Variants in SLC4A10 observed in about 807,000 individuals in gnomAD.
SLC4A10 encodes the protein solute carrier family 4 member 10, also known as sodium-driven chloride bicarbonate exchanger.
In SLC4A10, 42 loss-of-function variants were observed where a neutral mutation model predicts 137.7. That is an observed-to-expected ratio of 0.30 (90% CI 0.24 to 0.39). The LOEUF (loss-of-function observed/expected upper bound fraction) is 0.39, where lower values mean the gene tolerates loss of function less well. Among genes scored for constraint, SLC4A10 ranks in the 10% least tolerant of loss-of-function variants. The pLI, the probability that SLC4A10 is intolerant of heterozygous loss-of-function variation, is 1.00. For synonymous variants in SLC4A10, 474 were observed against 464.1 expected (o/e 1.02, Z -0.27); for missense variants, 925 against 1,355.0 (o/e 0.68, Z 4.98).
At chr2:161,693,516 T>C (rs138349645) in intron 1 of SLC4A10, among the ~76,000 whole-genome samples, 201 of 152,144 alleles carry the variant, frequency 1.3e-3, no homozygotes, top group African/African-American at 4.6e-3. Flanking sequence ...CCTTTTTTGC[T>C]ATATCTGGCT....
intron 1 of SLC4A10, among the ~76,000 whole-genome samples, chr2:161,741,408 C>G (rs1030976748): frequency 6.6e-6 from 1 of 152,006 alleles, no homozygotes; most frequent in Non-Finnish European, 1.5e-5. Context: ...TAGTCATACT[C>G]TACATTAAAT....
intron 1 of SLC4A10, among the ~76,000 whole-genome samples, chr2:161,657,501 T>C (rs2037713242): frequency 6.6e-6 from 1 of 152,036 alleles, no homozygotes; most frequent in Admixed American, 6.6e-5. Flanking sequence ...CTTACCTTTC[T>C]CTAAATACCC....
At chr2:161,738,888 T>C (rs1331711972) in intron 1 of SLC4A10, among the ~76,000 whole-genome samples, 2 of 152,160 alleles carry the variant, frequency 1.3e-5, no homozygotes, top group Admixed American at 6.5e-5. Context: ...GTTATGTAAG[T>C]GCAGAACTAT....
At chr2:161,715,625 G>T (rs754153757) in intron 1 of SLC4A10, among the ~76,000 whole-genome samples, 9 of 152,028 alleles carry the variant, frequency 5.9e-5, no homozygotes, top group Non-Finnish European at 1.3e-4. Context: ...GTTTGCAGAT[G>T]ATAATGGCTT....
At chr2:161,859,111 C>T (rs1407420522) in intron 5 of SLC4A10, among the ~76,000 whole-genome samples, 2 of 152,034 alleles carry the variant, frequency 1.3e-5, no homozygotes, top group Admixed American at 1.3e-4. Context: ...GTTTTCAAAG[C>T]ATTGATATGA....
intron 26 of SLC4A10, among the ~76,000 whole-genome samples, chr2:161,980,340 G>A (rs1275361238): frequency 4.0e-5 from 6 of 151,842 alleles, no homozygotes; most frequent in Non-Finnish European, 7.4e-5. Context: ...TGACTTCTTG[G>A]AAATATTATT....
intron 15 of SLC4A10, among the ~76,000 whole-genome samples, chr2:161,940,801 C>G (rs902101686): frequency 1.3e-5 from 2 of 152,148 alleles, no homozygotes; most frequent in Admixed American, 6.5e-5. Context: ...TCAGAACAAA[C>G]CTCAAGCACT....
chr2:161,820,619 C>A (rs1207769522), intron 3 of SLC4A10, among the ~76,000 whole-genome samples: 2 of 152,196 alleles, frequency 1.3e-5, no homozygotes, highest in African/African-American at 4.8e-5. Flanking sequence ...GATGTAGCTT[C>A]AGCCTATTCA....
intron 1 of SLC4A10, among the ~76,000 whole-genome samples, chr2:161,640,576 A>G (rs2035127321): frequency 6.6e-6 from 1 of 151,936 alleles, no homozygotes; most frequent in African/African-American, 2.4e-5. Context: ...TTCTCTATGA[A>G]GTAAGCTTTC....
At chr2:161,666,695 A>G (rs915311229) in intron 1 of SLC4A10, among the ~76,000 whole-genome samples, 4 of 151,724 alleles carry the variant, frequency 2.6e-5, no homozygotes, top group Non-Finnish European at 4.4e-5. Flanking sequence ...GACATTTAAT[A>G]TGGAAGGAGT....
At chr2:161,640,593 TTTCCTTCCTTCCTTCCTTCCTTCC>T (rs1245696506) in intron 1 of SLC4A10, among the ~76,000 whole-genome samples, 5 of 119,324 alleles carry the variant, frequency 4.2e-5, no homozygotes, top group African/African-American at 1.3e-4. Context: ...TTTCTCTTTC[TTTCCTTCCTTCCTTCCTTCCTTCC>T]TTCCTTCCTT....
At chr2:161,688,135 A>G (rs966055134) in intron 1 of SLC4A10, among the ~76,000 whole-genome samples, 4 of 152,232 alleles carry the variant, frequency 2.6e-5, no homozygotes, top group African/African-American at 4.8e-5. Flanking sequence ...TAAAAGAATT[A>G]CTTAGGAAAT....
intron 3 of SLC4A10, among the ~76,000 whole-genome samples, chr2:161,811,667 G>A (rs1468999585): frequency 6.6e-6 from 1 of 151,866 alleles, no homozygotes; most frequent in East Asian, 1.9e-4. Flanking sequence ...TAGTAATCTT[G>A]CTTTGTACTT....
At chr2:161,865,115 A>G (rs899487488) in intron 6 of SLC4A10, among the ~76,000 whole-genome samples, 1 of 152,144 alleles carries the variant, frequency 6.6e-6, no homozygotes, top group Admixed American at 6.5e-5. Context: ...TAAAATTTAT[A>G]CCTTAAATTT....
At chr2:161,639,618 A>G (rs185863991) in intron 1 of SLC4A10, among the ~76,000 whole-genome samples, 2 of 152,298 alleles carry the variant, frequency 1.3e-5, no homozygotes, top group Admixed American at 1.3e-4. Flanking sequence ...GAAGGAACAT[A>G]CCTTAACACA....
At chr2:161,865,014 A>G (rs1476798206) in intron 6 of SLC4A10, among the ~76,000 whole-genome samples, 1 of 152,148 alleles carries the variant, frequency 6.6e-6, no homozygotes, top group East Asian at 1.9e-4. Context: ...TTTTACCTTC[A>G]TAACTTTTGC....
chr2:161,983,239 T>G lies in SLC4A10; in HGVS notation c.*87T>G. The G allele has an allele frequency of 6.5e-7, 1 of 1,536,442 alleles. No homozygotes were observed. ...GGAAAGGTGTTGACAGGGAGACTTGTCTATGACTCGATCTTCAATTTATTT... is the reference window on the plus strand; with the variant it reads ...GGAAAGGTGTTGACAGGGAGACTTGGCTATGACTCGATCTTCAATTTATTT... On this transcript the variant is annotated 3_prime_UTR_variant, in exon 27 of 27. Coordinates refer to ENST00000446997, the MANE Select transcript of SLC4A10 (RefSeq NM_001178015.2).
At chr2:161,764,254 G>A in intron 1 of SLC4A10, among the ~76,000 whole-genome samples, 1 of 152,010 alleles carries the variant, frequency 6.6e-6, no homozygotes, top group East Asian at 1.9e-4. Flanking sequence ...CAAGACACAA[G>A]AAAGTGTTTC....
At chr2:161,754,254 C>T (rs2049336233) in intron 1 of SLC4A10, among the ~76,000 whole-genome samples, 1 of 152,052 alleles carries the variant, frequency 6.6e-6, no homozygotes, top group Admixed American at 6.6e-5. Context: ...CTAGTTTAAT[C>T]TCAGGGACTA....
Sources: gnomAD v4.1 joint callset for allele counts (sites outside exome capture counted in the v4.1 genomes callset) on GRCh38, gnomAD v4.1.1 for gene constraint, MANE v1.5 for transcripts, NCBI Gene and HGNC (gene_info 2026-07-23, HGNC 2026-07-21) for gene names.